The following CADPS2 variants were observed in gnomAD, a reference collection of about 807,000 sequenced individuals.
CADPS2 encodes the protein calcium-dependent secretion activator 2.
In CADPS2, 93 loss-of-function variants were observed where a neutral mutation model predicts 172.5. The observed-to-expected ratio is 0.54, with a 90% CI of 0.46 to 0.64. CADPS2 has a LOEUF of 0.64. Among genes scored for constraint, CADPS2 ranks in the 30% least tolerant of loss-of-function variants. The pLI is 0.00. For missense variants in CADPS2, 1,420 were observed against 1,565.9 expected (o/e 0.91, Z 1.57); for synonymous variants, 546 against 555.2 (o/e 0.98, Z 0.23).
chr7:122,853,225 C>T (rs569731947), intron 1 of CADPS2, among the ~76,000 whole-genome samples: 4 of 152,272 alleles, frequency 2.6e-5, no homozygotes, highest in South Asian at 2.1e-4. Flanking sequence ...ATCAGATAAA[C>T]GAGGAAGAAA....
chr7:122,464,902 T>C (rs1206198646), intron 14 of CADPS2, among the ~76,000 whole-genome samples: 2 of 152,216 alleles, frequency 1.3e-5, no homozygotes, highest in Non-Finnish European at 2.9e-5. Flanking sequence ...TTAATACTAG[T>C]GTGCCAACGT....
chr7:122,463,630 T>A (rs904956232), intron 14 of CADPS2, among the ~76,000 whole-genome samples: 1 of 152,108 alleles, frequency 6.6e-6, no homozygotes, highest in Admixed American at 6.6e-5. Flanking sequence ...AAGTAGTGAG[T>A]TACACATCTA....
chr7:122,469,670 C>T (rs551063953), intron 14 of CADPS2, among the ~76,000 whole-genome samples: 1 of 152,220 alleles, frequency 6.6e-6, no homozygotes, highest in African/African-American at 2.4e-5. Flanking sequence ...TTATTGTAGG[C>T]TGAGAAATGG....
intron 1 of CADPS2, among the ~76,000 whole-genome samples, chr7:122,752,451 C>T (rs978946105): frequency 2.6e-5 from 4 of 151,960 alleles, no homozygotes; most frequent in African/African-American, 7.2e-5. Context: ...ACATTTATAA[C>T]CTCAATTGAG....
In CADPS2 at chr7:122,370,050, TTC is replaced by T. The variant is rs535076347; in HGVS notation, c.3388-9039_3388-9038del. On this transcript the variant is annotated intron_variant, in intron 25 of 29. Coordinates refer to ENST00000449022, the MANE Select transcript of CADPS2 (RefSeq NM_017954.11). ...TGCTCCAGGCCCTGGTTTCTGCAGTTTCTCTTACTTAAATGGTCCTTTCATCT... is the reference window on the plus strand; with the variant it reads ...TGCTCCAGGCCCTGGTTTCTGCAGTTTCTTACTTAAATGGTCCTTTCATCT... Among the ~76,000 whole-genome samples, 520 of 152,270 alleles carry T rather than the reference TTC, an allele frequency of 3.4e-3. 4 individuals carry two copies. The highest frequency in any genetic ancestry group is 6.0e-3 in the Non-Finnish European group (408 of 68,024).
chr7:122,705,959 TATATAATATAATATAATATATAATATTA>T (rs2087278403), intron 2 of CADPS2, among the ~76,000 whole-genome samples: 2 of 23,140 alleles, frequency 8.6e-5, no homozygotes, highest in African/African-American at 4.4e-4. Flanking sequence ...ATATAATATA[TATATAATATAATATAATATATAATATTA>T]TATATTATAT....
intron 1 of CADPS2, among the ~76,000 whole-genome samples, chr7:122,853,122 C>CGG (rs1343514212): frequency 1.3e-5 from 2 of 152,208 alleles, no homozygotes; most frequent in African/African-American, 2.4e-5. Context: ...CATCTATTCT[C>CGG]CTCCCTCCTA....
intron 8 of CADPS2, among the ~76,000 whole-genome samples, chr7:122,542,603 A>G (rs894342089): frequency 6.6e-6 from 1 of 152,134 alleles, no homozygotes; most frequent in Non-Finnish European, 1.5e-5. Flanking sequence ...AACTTTATCT[A>G]TATTCTTTGC....
At chr7:122,875,265 CA>C (rs1274846737) in intron 1 of CADPS2, among the ~76,000 whole-genome samples, 1 of 152,162 alleles carries the variant, frequency 6.6e-6, no homozygotes, top group African/African-American at 2.4e-5. Context: ...AAAGTAAAAT[CA>C]GTGTTAAATC....
At chr7:122,639,532 G>A (rs2077389559) in intron 3 of CADPS2, among the ~76,000 whole-genome samples, 2 of 152,036 alleles carry the variant, frequency 1.3e-5, no homozygotes, top group South Asian at 4.1e-4. Context: ...GCTCCTTTGT[G>A]TGTGTGTTTA....
chr7:122,752,957 G>A (rs1307246986), intron 1 of CADPS2, among the ~76,000 whole-genome samples: 1 of 152,160 alleles, frequency 6.6e-6, no homozygotes, highest in Non-Finnish European at 1.5e-5. Flanking sequence ...AGAAGATGGA[G>A]AATAAATGGG....
chr7:122,611,369 C>T (rs2074270244), intron 6 of CADPS2, among the ~76,000 whole-genome samples: 1 of 151,970 alleles, frequency 6.6e-6, no homozygotes, highest in Non-Finnish European at 1.5e-5. Context: ...GAAAAGAGGA[C>T]ATTATTACTG....
chr7:122,433,549 A>C (rs560146993), intron 17 of CADPS2, among the ~76,000 whole-genome samples: 1 of 151,810 alleles, frequency 6.6e-6, no homozygotes, highest in Admixed American at 6.6e-5. Context: ...GATTGCAGGC[A>C]TGCACCCCCA....
At chr7:122,666,346 CTTT>C (rs35558114) in intron 2 of CADPS2, among the ~76,000 whole-genome samples, 1 of 133,504 alleles carries the variant, frequency 7.5e-6, no homozygotes. Context: ...TCTGCTAACA[CTTT>C]TTTTTTTTTT....
chr7:122,513,171 T>A (rs2060124069), intron 9 of CADPS2, 78 bp downstream of exon 9: 1 of 911,248 alleles, frequency 1.1e-6, no homozygotes, highest in Admixed American at 2.5e-5. Context: ...CAGTAAATTT[T>A]GATAGATATA....
intron 6 of CADPS2, among the ~76,000 whole-genome samples, chr7:122,597,244 T>A (rs2071960843): frequency 6.6e-6 from 1 of 152,106 alleles, no homozygotes; most frequent in African/African-American, 2.4e-5. Context: ...TGTTTTCTTT[T>A]CTAAAAATAG....
At chr7:122,772,825 C>T (rs2093744212) in intron 1 of CADPS2, among the ~76,000 whole-genome samples, 1 of 152,040 alleles carries the variant, frequency 6.6e-6, no homozygotes, top group Non-Finnish European at 1.5e-5. Context: ...AGATAAGATA[C>T]TTAAGCCATA....
chr7:122,465,114 A>C (rs1205427956), intron 14 of CADPS2, among the ~76,000 whole-genome samples: 4 of 152,192 alleles, frequency 2.6e-5, no homozygotes, highest in Non-Finnish European at 5.9e-5. Context: ...GATTAAGAGA[A>C]AAAAAGAGAG....
intron 1 of CADPS2, among the ~76,000 whole-genome samples, chr7:122,743,759 T>C (rs569869474): frequency 1.2e-4 from 19 of 152,280 alleles, no homozygotes; most frequent in African/African-American, 4.6e-4. Flanking sequence ...CGCTAAAGGA[T>C]CAGTACTATT....
Sources: gnomAD v4.1 joint callset for allele counts (sites outside exome capture counted in the v4.1 genomes callset) on GRCh38, gnomAD v4.1.1 for gene constraint, MANE v1.5 for transcripts, NCBI Gene and HGNC (gene_info 2026-07-23, HGNC 2026-07-21) for gene names.